Variants in CFAP299 observed in about 807,000 individuals in gnomAD.
CFAP299 encodes the protein cilia- and flagella-associated protein 299.
CFAP299 carries 21 observed loss-of-function variants against 27.0 expected under a neutral mutation model. That is an observed-to-expected ratio of 0.78 (90% CI 0.55 to 1.12). The LOEUF (loss-of-function observed/expected upper bound fraction) is 1.12, where lower values mean the gene tolerates loss of function less well. Ranked by LOEUF, CFAP299 falls within the 50% of genes most tolerant of loss-of-function variation. The probability of loss-of-function intolerance (pLI) is 0.00; values close to 1 mark genes in which losing one functional copy is unlikely to be tolerated. For synonymous variants in CFAP299, 104 were observed against 98.1 expected (o/e 1.06, Z -0.36); for missense variants, 310 against 276.6 (o/e 1.12, Z -0.86).
intron 2 of CFAP299, among the ~76,000 whole-genome samples, chr4:80,529,714 T>C (rs769640212): frequency 4.6e-5 from 7 of 152,162 alleles, no homozygotes; most frequent in Non-Finnish European, 1.0e-4. Context: ...CTTGCTCAGC[T>C]CCACTTGCTA....
chr4:80,770,308 C>A (rs1038956315), intron 3 of CFAP299, among the ~76,000 whole-genome samples: 2 of 152,076 alleles, frequency 1.3e-5, no homozygotes, highest in East Asian at 3.9e-4. Flanking sequence ...AGAGGATATA[C>A]GGAGCAACTC....
intron 2 of CFAP299, among the ~76,000 whole-genome samples, chr4:80,540,702 C>T (rs1733958352): frequency 3.9e-5 from 6 of 152,082 alleles, no homozygotes; most frequent in Admixed American, 3.9e-4. Context: ...TCATTCCAAC[C>T]AGAAGGATGA....
At chr4:80,890,772 A>G (rs1463395268) in intron 4 of CFAP299, among the ~76,000 whole-genome samples, 3 of 149,854 alleles carry the variant, frequency 2.0e-5, no homozygotes, top group Middle Eastern at 3.2e-3. Context: ...GTGAGATGGT[A>G]TCTCATAGTG....
rs973514406 is a variant in CFAP299 at position 80,387,562 on chromosome 4, C to T, written c.242+24678C>T. 4 of 967,968 alleles carry T rather than the reference C, an allele frequency of 4.1e-6. No homozygotes were observed. The African/African-American group carries it at 6.4e-5, about 15-fold the overall frequency. The allele number at this position is 967,968 out of a possible 1,614,324, so 60.0% of individuals were successfully genotyped here. A position where few individuals can be genotyped will look rare whatever the true frequency, so the allele number is the denominator to read the frequency against. On this transcript the variant is annotated intron_variant, in intron 2 of 5. Coordinates refer to ENST00000358105, the MANE Select transcript of CFAP299 (RefSeq NM_152770.3). The stretch of plus-strand genomic sequence containing the variant: ...CCCTGTGTTTTCCTCATCCTCCTGC[C>T]TACTGGGGTTCAGGGCCAAGACCTG...
chr4:80,861,997 G>A (rs1489034160), intron 3 of CFAP299, among the ~76,000 whole-genome samples: 1 of 151,888 alleles, frequency 6.6e-6, no homozygotes, highest in Non-Finnish European at 1.5e-5. Context: ...TTCAATCCCT[G>A]GACATCCTAG....
At chr4:80,612,647 T>C (rs962223719) in intron 3 of CFAP299, among the ~76,000 whole-genome samples, 2 of 152,166 alleles carry the variant, frequency 1.3e-5, no homozygotes, top group African/African-American at 4.8e-5. Flanking sequence ...TATTAAATAA[T>C]TTTCTGTGGT....
In CFAP299 at chr4:80,963,737, A is replaced by T. The variant is rs759571280; in HGVS notation, c.*125A>T. 2 of 601,548 alleles carry T rather than the reference A, an allele frequency of 3.3e-6. No homozygotes were observed. The highest frequency in any genetic ancestry group is 5.7e-6 in the Non-Finnish European group (2 of 349,168). 37.3% of individuals were successfully genotyped at this position (601,548 alleles called of 1,614,324 possible). On this transcript the variant is annotated 3_prime_UTR_variant, in exon 6 of 6. Transcript: ENST00000358105. ...ATTAGAACAATAAAGTTAATAAAGA[A>T]GTTAGAAAGAAAACTGTAATATTGA...
chr4:80,797,664 C>A (rs927725737), intron 3 of CFAP299, among the ~76,000 whole-genome samples: 2 of 152,100 alleles, frequency 1.3e-5, no homozygotes, highest in African/African-American at 4.8e-5. Context: ...GTCTGACATA[C>A]AGAGAAGAGC....
intron 3 of CFAP299, among the ~76,000 whole-genome samples, chr4:80,643,381 A>G (rs952832732): frequency 6.6e-6 from 1 of 152,166 alleles, no homozygotes; most frequent in Non-Finnish European, 1.5e-5. Context: ...ATGAATATGG[A>G]CAACTGTGCT....
At chr4:80,539,389 GA>G (rs1364581242) in intron 2 of CFAP299, among the ~76,000 whole-genome samples, 1 of 152,186 alleles carries the variant, frequency 6.6e-6, no homozygotes, top group African/African-American at 2.4e-5. Context: ...GCAGGAGCAG[GA>G]ATGAAGGGAC....
chr4:80,547,159 G>T (rs557979541), intron 2 of CFAP299, among the ~76,000 whole-genome samples: 8 of 152,140 alleles, frequency 5.3e-5, no homozygotes, highest in Non-Finnish European at 1.0e-4. Context: ...AAAATAGCAT[G>T]GTACTCATAT....
chr4:80,688,586 A>G (rs1302854563), intron 3 of CFAP299, among the ~76,000 whole-genome samples: 2 of 152,144 alleles, frequency 1.3e-5, no homozygotes, highest in Admixed American at 1.3e-4. Flanking sequence ...AACCACAAAG[A>G]TGGGGAAAAA....
chr4:80,558,442 C>T (rs1341664617), intron 2 of CFAP299, among the ~76,000 whole-genome samples: 1 of 144,092 alleles, frequency 6.9e-6, no homozygotes, highest in Non-Finnish European at 1.5e-5. Flanking sequence ...CAACCAAATT[C>T]TAAATGGCTG....
At chr4:80,510,737 T>C (rs998152332) in intron 2 of CFAP299, among the ~76,000 whole-genome samples, 21 of 152,178 alleles carry the variant, frequency 1.4e-4, no homozygotes, top group African/African-American at 4.8e-4. Context: ...TCTGTAAATA[T>C]GATTTGATAA....
chr4:80,847,780 G>A (rs1279764196), intron 3 of CFAP299, among the ~76,000 whole-genome samples: 1 of 152,108 alleles, frequency 6.6e-6, no homozygotes, highest in Non-Finnish European at 1.5e-5. Flanking sequence ...TTGTTGCATG[G>A]TGACACTTTC....
At position 80,797,863 on chromosome 4, in the gene CFAP299, G is replaced by C. The variant is rs116303464; in HGVS notation, c.334-72130G>C. On this transcript the variant is annotated intron_variant, in intron 3 of 5. Coordinates refer to ENST00000358105, the MANE Select transcript of CFAP299 (RefSeq NM_152770.3). ...TCTAAATTAAGCCAAAGGAGATCAG[G>C]CATTTCTAGCTCGCTCACAGTGGGG... is the stretch of plus-strand genomic sequence containing the variant. Among the ~76,000 whole-genome samples, 894 of 152,248 alleles carry C rather than the reference G, an allele frequency of 5.9e-3. 7 individuals are homozygous for C. Among genetic ancestry groups the C allele is most frequent in the African/African-American group, 0.02 (834 of 41,562 alleles).
At chr4:80,862,701 A>G (rs149294731) in intron 3 of CFAP299, among the ~76,000 whole-genome samples, 8 of 152,164 alleles carry the variant, frequency 5.3e-5, no homozygotes, top group Non-Finnish European at 1.0e-4. Flanking sequence ...TGTGGAAAAT[A>G]AAAGTGTGCT....
intron 4 of CFAP299, among the ~76,000 whole-genome samples, chr4:80,936,104 T>C (rs570553488): frequency 6.6e-6 from 1 of 152,164 alleles, no homozygotes; most frequent in Non-Finnish European, 1.5e-5. Flanking sequence ...TTACTTTTAA[T>C]GGCAAAAACA....
rs17005009 is a variant in CFAP299 at position 80,923,325 on chromosome 4, T to A, written c.477-21485T>A. Among the ~76,000 whole-genome samples the A allele has an allele frequency of 7.7e-3, 1,175 of 152,202 alleles. 3 individuals carry two copies. The highest frequency in any genetic ancestry group is 0.014 in the Middle Eastern group (4 of 294). ...TGAACCTCTCACTACACTTTCCATTTTTCCTTCCACTGCATCCTTTCACTT... is the reference window on the plus strand; with the variant it reads ...TGAACCTCTCACTACACTTTCCATTATTCCTTCCACTGCATCCTTTCACTT... On this transcript the variant is annotated intron_variant, in intron 4 of 5. Transcript: ENST00000358105.
Sources: gnomAD v4.1 joint callset for allele counts (sites outside exome capture counted in the v4.1 genomes callset) on GRCh38, gnomAD v4.1.1 for gene constraint, MANE v1.5 for transcripts, NCBI Gene and HGNC (gene_info 2026-07-23, HGNC 2026-07-21) for gene names.